SIPA1L3: variants seen among roughly 807,000 people sequenced by gnomAD.
The protein encoded by SIPA1L3 is signal induced proliferation associated 1 like 3, also known as signal-induced proliferation-associated 1-like protein 3.
SIPA1L3 carries 59 observed loss-of-function variants against 150.1 expected under a neutral mutation model. That is an observed-to-expected ratio of 0.39 (90% CI 0.32 to 0.49). The LOEUF (loss-of-function observed/expected upper bound fraction) is 0.49, where lower values mean the gene tolerates loss of function less well. Among genes scored for constraint, SIPA1L3 ranks in the 20% least tolerant of loss-of-function variants. The pLI is 0.86. For synonymous variants in SIPA1L3, 1,070 were observed against 1,077.6 expected, an observed-to-expected ratio of 0.99 and a Z score of 0.14; for missense variants, 2,211 against 2,489.5, an observed-to-expected ratio of 0.89 and a Z score of 2.38.
At chr19:38,205,631 G>T (rs1973192850) in intron 21 of SIPA1L3, among the ~76,000 whole-genome samples, 1 of 152,084 alleles carries the variant, frequency 6.6e-6, no homozygotes, top group Admixed American at 6.6e-5. Flanking sequence ...CCTGAAACAG[G>T]TCCCTGCCTT....
intron 1 of SIPA1L3, chr19:37,932,758 G>C (rs1020538257): frequency 6.6e-6 from 1 of 152,260 alleles, no homozygotes; most frequent in African/African-American, 2.4e-5. Flanking sequence ...CTTCCTCTCC[G>C]GAGTTAGACA....
At chr19:38,103,251 C>A (rs1290363088) in intron 6 of SIPA1L3, among the ~76,000 whole-genome samples, 2 of 151,942 alleles carry the variant, frequency 1.3e-5, no homozygotes, top group Non-Finnish European at 2.9e-5. Flanking sequence ...GGGTAGTGGT[C>A]TTTTTCTTAA....
At chr19:37,911,033 G>T (rs1010431450) in intron 1 of SIPA1L3, among the ~76,000 whole-genome samples, 1 of 152,120 alleles carries the variant, frequency 6.6e-6, no homozygotes, top group African/African-American at 2.4e-5. Context: ...ACAATACAGA[G>T]GTGTAGGGAA....
chr19:38,187,028 A>G (rs1338924923), intron 16 of SIPA1L3, among the ~76,000 whole-genome samples: 2 of 148,132 alleles, frequency 1.4e-5, no homozygotes, highest in Non-Finnish European at 3.0e-5. Flanking sequence ...AAAAAAAAAA[A>G]TCACAACCAG....
chr19:38,115,065 C>T (rs567989645), intron 8 of SIPA1L3, among the ~76,000 whole-genome samples: 1 of 152,310 alleles, frequency 6.6e-6, no homozygotes, highest in East Asian at 1.9e-4. Context: ...GGGGAGCTTA[C>T]GGGAACCATG....
At chr19:38,133,350 C>G (rs779739364) in intron 10 of SIPA1L3, among the ~76,000 whole-genome samples, 1 of 152,228 alleles carries the variant, frequency 6.6e-6, no homozygotes, top group Non-Finnish European at 1.5e-5. Context: ...TTCTGTCATT[C>G]CTTCTTCATA....
chr19:38,180,905 G>A (rs1972540721), intron 15 of SIPA1L3, among the ~76,000 whole-genome samples: 1 of 152,140 alleles, frequency 6.6e-6, no homozygotes, highest in African/African-American at 2.4e-5. Context: ...CCTACTTGGT[G>A]TTTGTTGAGC....
At chr19:38,169,443 G>A (rs886661883) in intron 15 of SIPA1L3, among the ~76,000 whole-genome samples, 4 of 151,580 alleles carry the variant, frequency 2.6e-5, no homozygotes, top group Non-Finnish European at 4.4e-5. Context: ...CAGCCCACCT[G>A]CATTCAATCC....
intron 8 of SIPA1L3, 84 bp downstream of exon 8, chr19:38,110,468 C>A: frequency 8.8e-7 from 1 of 1,135,090 alleles, no homozygotes; most frequent in Non-Finnish European, 1.3e-6. Context: ...ACAGGGCCCC[C>A]CCACACCTCA....
chr19:38,037,950 C>T (rs1396350678), intron 2 of SIPA1L3, among the ~76,000 whole-genome samples: 1 of 152,118 alleles, frequency 6.6e-6, no homozygotes, highest in African/African-American at 2.4e-5. Flanking sequence ...AAAGCAGGCA[C>T]CTTCCATGGT....
chr19:38,047,632 C>A lies in SIPA1L3; in HGVS notation c.-311+18476C>A, dbSNP rs1969090740. Among the ~76,000 whole-genome samples the A allele has an allele frequency of 6.6e-6, 1 of 152,204 alleles. No homozygotes were observed. Among genetic ancestry groups the A allele is most frequent in the Non-Finnish European group, 1.5e-5 (1 of 68,046 alleles). ...GGGTAGAGCGATGATTGAACCCGGG[C>A]CGGGCTGACCCCAGAGCGCACGCTC... On this transcript the variant is annotated intron_variant, in intron 2 of 21. Coordinates refer to ENST00000222345, the MANE Select transcript of SIPA1L3 (RefSeq NM_015073.3). The surrounding 1 kb of genome is among the most constrained non-coding windows in gnomAD (Gnocchi z 4.7).
intron 1 of SIPA1L3, among the ~76,000 whole-genome samples, chr19:37,984,506 G>A (rs148893573): frequency 3.1e-4 from 47 of 152,254 alleles, no homozygotes; most frequent in Admixed American, 1.2e-3. Context: ...GTGAGGCTGC[G>A]AAACATTAAG....
At chr19:37,943,499 TAACCTGGATTCC>T in intron 1 of SIPA1L3, among the ~76,000 whole-genome samples, 1 of 152,318 alleles carries the variant, frequency 6.6e-6, no homozygotes, top group South Asian at 2.1e-4. Flanking sequence ...CCATTCCCAC[TAACCTGGATTCC>T]AACACACCTT....
intron 1 of SIPA1L3, among the ~76,000 whole-genome samples, chr19:37,933,715 G>T (rs977246912): frequency 8.5e-5 from 13 of 152,168 alleles, no homozygotes; most frequent in African/African-American, 1.9e-4. Flanking sequence ...GTGGCTCTCT[G>T]GCACCTGCCT....
rs113063117 is a variant in SIPA1L3, at chr19:38,121,704, A to G, written c.2868+1822A>G. ...CAGTGAGCCGAGACCCTGCCACTGCACTCCAGCTTGGGTGACAGAGCGAGA... is the reference window on the plus strand; with the variant it reads ...CAGTGAGCCGAGACCCTGCCACTGCGCTCCAGCTTGGGTGACAGAGCGAGA... On this transcript the variant is annotated intron_variant, in intron 9 of 21. Transcript: ENST00000222345. Among the ~76,000 whole-genome samples, 304 of 152,070 alleles carry G rather than the reference A, an allele frequency of 2.0e-3. 3 individuals carry two copies. The highest frequency in any genetic ancestry group is 7.1e-3 in the African/African-American group (295 of 41,470).
chr19:38,079,265 G>A (rs923605104), intron 2 of SIPA1L3, among the ~76,000 whole-genome samples: 4 of 152,280 alleles, frequency 2.6e-5, no homozygotes, highest in East Asian at 1.9e-4. Context: ...CCCAGGAGGC[G>A]GAGCTTGCAG....
At chr19:38,065,202 C>T (rs1725510) in intron 2 of SIPA1L3, among the ~76,000 whole-genome samples, 26,649 of 151,974 alleles carry the variant, frequency 0.18, 2,467 homozygotes, top group African/African-American at 0.22. Context: ...GTGCACTGTC[C>T]TTCCCTCATT....
intron 12 of SIPA1L3, among the ~76,000 whole-genome samples, chr19:38,151,179 T>C (rs1971814585): frequency 1.3e-5 from 2 of 152,306 alleles, no homozygotes; most frequent in Admixed American, 1.3e-4. Context: ...TTTCTTGTCA[T>C]CCCTCTTAGG....
At chr19:37,946,341 C>T (rs568720049) in intron 1 of SIPA1L3, among the ~76,000 whole-genome samples, 12 of 152,098 alleles carry the variant, frequency 7.9e-5, no homozygotes, top group African/African-American at 2.9e-4. Flanking sequence ...CTCTGTTGCC[C>T]AGGCTGGTCT....
Sources: allele counts gnomAD v4.1 joint callset (sites outside exome capture counted in the v4.1 genomes callset), GRCh38; gene constraint gnomAD v4.1.1; non-coding constraint Gnocchi (gnomAD v3.1); transcripts MANE v1.5; gene names NCBI Gene and HGNC (gene_info 2026-07-23, HGNC 2026-07-21).